Variants in ITPR1 observed in about 807,000 individuals in gnomAD.
The protein encoded by ITPR1 is inositol 1,4,5-trisphosphate-gated calcium channel ITPR1.
ITPR1 carries 96 observed loss-of-function variants against 318.4 expected under a neutral mutation model. The ratio of observed to expected loss-of-function variants is 0.30; its 90% CI spans 0.26 to 0.36. ITPR1 has a LOEUF of 0.36. Among genes scored for constraint, ITPR1 ranks in the 10% least tolerant of loss-of-function variants. The pLI, the probability that ITPR1 is intolerant of heterozygous loss-of-function variation, is 1.00. For missense variants in ITPR1, 2,440 were observed against 3,460.2 expected, an observed-to-expected ratio of 0.71 and a Z score of 7.40; for synonymous variants, 1,312 against 1,289.9, an observed-to-expected ratio of 1.02 and a Z score of -0.37.
At chr3:4,791,746 G>A (rs183303840) in intron 52 of ITPR1, among the ~76,000 whole-genome samples, 5 of 152,326 alleles carry the variant, frequency 3.3e-5, no homozygotes, top group African/African-American at 1.2e-4. Context: ...GACTAGAGCT[G>A]TAATCAAGCA....
chr3:4,728,929 C>T (rs370186777), intron 42 of ITPR1, among the ~76,000 whole-genome samples: 1 of 152,202 alleles, frequency 6.6e-6, no homozygotes, highest in Non-Finnish European at 1.5e-5. Flanking sequence ...GGCATTTCAT[C>T]CGAATTCGGG....
intron 46 of ITPR1, among the ~76,000 whole-genome samples, chr3:4,771,167 C>G (rs1182217225): frequency 1.3e-5 from 2 of 152,208 alleles, no homozygotes; most frequent in Non-Finnish European, 2.9e-5. Flanking sequence ...AATCCCTGCT[C>G]TGTGCCCAGC....
chr3:4,700,750 C>T (rs376545328), intron 35 of ITPR1, among the ~76,000 whole-genome samples: 30 of 152,256 alleles, frequency 2.0e-4, no homozygotes, highest in African/African-American at 5.5e-4. Context: ...AAGACATACC[C>T]GATACTGGGC....
At chr3:4,556,480 C>G (rs994348248) in intron 4 of ITPR1, among the ~76,000 whole-genome samples, 9 of 152,040 alleles carry the variant, frequency 5.9e-5, no homozygotes, top group Admixed American at 5.2e-4. Flanking sequence ...TTCCCTCCCC[C>G]CAACCCCTGG....
intron 54 of ITPR1, among the ~76,000 whole-genome samples, chr3:4,801,403 T>G (rs1426897970): frequency 2.0e-5 from 3 of 151,962 alleles, no homozygotes; most frequent in African/African-American, 7.2e-5. Context: ...AGCAAGGACT[T>G]TAGAGAACAG....
intron 4 of ITPR1, among the ~76,000 whole-genome samples, chr3:4,596,979 G>T (rs1477741215): frequency 6.6e-6 from 1 of 152,230 alleles, no homozygotes; most frequent in African/African-American, 2.4e-5. Context: ...TTCAGCAAAA[G>T]AGAGTTAGGA....
chr3:4,536,870 G>A lies in ITPR1; in HGVS notation c.163+15776G>A, dbSNP rs1363613075. 3.3e-5 allele frequency among the ~76,000 whole-genome samples: 5 copies of A among 152,310 alleles called. No homozygotes were observed. The East Asian group carries it at 7.7e-4, about 23-fold the overall frequency. On this transcript the variant is annotated intron_variant, in intron 4 of 61. Transcript: ENST00000649015. ...GCAAATACCATTGAAGAGGTTAGAT[G>A]TGTCAGGTTGGTTGTTGGAATGGTG... is the stretch of plus-strand genomic sequence containing the variant.
intron 60 of ITPR1, among the ~76,000 whole-genome samples, chr3:4,821,798 A>G (rs2106510711): frequency 6.6e-6 from 1 of 152,318 alleles, no homozygotes; most frequent in East Asian, 1.9e-4. Flanking sequence ...GTTTCTTGTC[A>G]TCTCTGGAGG....
intron 61 of ITPR1, among the ~76,000 whole-genome samples, chr3:4,841,715 A>C (rs1007737368): frequency 2.6e-5 from 4 of 152,250 alleles, no homozygotes; most frequent in African/African-American, 9.6e-5. Context: ...TAATTACCAC[A>C]GAAGTCTTCT....
At chr3:4,626,379 G>C (rs2092828657) in intron 4 of ITPR1, among the ~76,000 whole-genome samples, 1 of 151,950 alleles carries the variant, frequency 6.6e-6, no homozygotes, top group African/African-American at 2.4e-5. Flanking sequence ...GATGCTTTAG[G>C]GTAATGTTCA....
chr3:4,646,347 T>A (rs1308827195), intron 10 of ITPR1, among the ~76,000 whole-genome samples: 1 of 152,236 alleles, frequency 6.6e-6, no homozygotes, highest in Non-Finnish European at 1.5e-5. Flanking sequence ...GCATCTGATC[T>A]GGTACCTGCA....
intron 4 of ITPR1, among the ~76,000 whole-genome samples, chr3:4,621,658 C>T (rs935839854): frequency 2.0e-5 from 3 of 152,208 alleles, no homozygotes; most frequent in Non-Finnish European, 4.4e-5. Context: ...CCATGGCCTG[C>T]ACTGCCCTGC....
At chr3:4,662,347 G>C in intron 15 of ITPR1, 105 bp downstream of exon 15, 1 of 1,001,400 alleles carries the variant, frequency 1.0e-6, no homozygotes, top group Non-Finnish European at 1.4e-6. Flanking sequence ...CTAAACATGG[G>C]GTAGCAGGCC....
chr3:4,764,281 T>G (rs906182250), intron 44 of ITPR1, among the ~76,000 whole-genome samples: 1 of 152,256 alleles, frequency 6.6e-6, no homozygotes, highest in Admixed American at 6.5e-5. Flanking sequence ...TCATTTATTT[T>G]GGAGATTTAT....
rs752281590 is a variant in ITPR1 at position 4,814,521 on chromosome 3, G to A, written c.7660G>A (p.Gly2554Arg). 1 of 1,613,452 alleles carries A rather than the reference G, an allele frequency of 6.2e-7. No homozygotes were observed. Among genetic ancestry groups the A allele is most frequent in the African/African-American group, 1.3e-5 (1 of 74,950 alleles). ...VTVLSHGLRSGGGVGDVLRKP... is the reference protein window; with the variant it reads ...VTVLSHGLRSRGGVGDVLRKP... ...TGTGCTGAGTCACGGGCTGCGGAGC[G>A]GGGGTGGAGTAGGAGATGTACTCAG... Residue 2554 changes from glycine (G) to arginine (R), a missense_variant, in exon 58 of 62, where the codon GGG (glycine) becomes AGG (arginine). Gly to Arg is a moderately radical substitution (Grantham distance 125). This residue lies in a region of ITPR1 where 72 missense variants were observed against 197.7 expected (regional missense o/e 0.36). Coordinates refer to ENST00000649015, the MANE Select transcript of ITPR1 (RefSeq NM_001378452.1).
intron 60 of ITPR1, among the ~76,000 whole-genome samples, chr3:4,832,870 G>A (rs533715266): frequency 5.9e-5 from 9 of 152,310 alleles, no homozygotes; most frequent in South Asian, 2.1e-4. Flanking sequence ...CCACTGAGGC[G>A]AGGGGCAGAG....
chr3:4,606,470 A>T (rs186964125), intron 4 of ITPR1, among the ~76,000 whole-genome samples: 308 of 152,294 alleles, frequency 2.0e-3, no homozygotes, highest in African/African-American at 6.9e-3. Flanking sequence ...CTGGAAGGAA[A>T]AAAAAGAAAC....
chr3:4,689,523 A>G (rs937162181), intron 31 of ITPR1, among the ~76,000 whole-genome samples: 16 of 152,242 alleles, frequency 1.1e-4, no homozygotes, highest in African/African-American at 3.1e-4. Context: ...ATGCTCAACC[A>G]GCAGACTATA....
intron 21 of ITPR1, among the ~76,000 whole-genome samples, chr3:4,673,947 T>C (rs1252784528): frequency 6.6e-6 from 1 of 152,208 alleles, no homozygotes; most frequent in Non-Finnish European, 1.5e-5. Flanking sequence ...GTGTGTACTA[T>C]GTGCCAAGCT....
Sources: gnomAD v4.1 joint callset for allele counts (sites outside exome capture counted in the v4.1 genomes callset) on GRCh38, gnomAD v4.1.1 for gene constraint, gnomAD v4.1.1 regional missense constraint, MANE v1.5 for transcripts, NCBI Gene and HGNC (gene_info 2026-07-23, HGNC 2026-07-21) for gene names.